The following LRBA variants were observed in gnomAD, a reference collection of about 807,000 sequenced individuals.
LRBA encodes LPS responsive beige-like anchor protein, also known as lipopolysaccharide-responsive and beige-like anchor protein.
A neutral mutation model predicts 330.0 loss-of-function variants in LRBA; 176 were observed. The observed-to-expected ratio is 0.53, with a 90% CI of 0.47 to 0.60. The LOEUF (loss-of-function observed/expected upper bound fraction) is 0.60. LRBA is among the 20% of genes least tolerant of loss of function. The pLI is 0.00. For synonymous variants in LRBA, 1,230 were observed against 1,193.0 expected, an observed-to-expected ratio of 1.03 and a Z score of -0.64; for missense variants, 3,259 against 3,444.8, an observed-to-expected ratio of 0.95 and a Z score of 1.35.
intron 40 of LRBA, among the ~76,000 whole-genome samples, chr4:150,575,581 T>C (rs541682110): frequency 2.0e-5 from 3 of 151,854 alleles, no homozygotes; most frequent in East Asian, 1.9e-4. Flanking sequence ...ATTTTAAACA[T>C]AGACCCACAA....
intron 37 of LRBA, among the ~76,000 whole-genome samples, chr4:150,674,191 T>C (rs992878884): frequency 6.8e-6 from 1 of 148,044 alleles, no homozygotes; most frequent in Non-Finnish European, 1.5e-5. Flanking sequence ...GTTTTGGGGT[T>C]TTTTTTTTGC....
chr4:150,523,164 T>G (rs1281363646), intron 40 of LRBA, among the ~76,000 whole-genome samples: 1 of 152,214 alleles, frequency 6.6e-6, no homozygotes, highest in Non-Finnish European at 1.5e-5. Context: ...GCTATTGTGG[T>G]AGAATAAATG....
chr4:150,630,924 T>C (rs1391728941), intron 37 of LRBA, among the ~76,000 whole-genome samples: 4 of 152,138 alleles, frequency 2.6e-5, no homozygotes, highest in Non-Finnish European at 5.9e-5. Flanking sequence ...ATAAAAACTC[T>C]TAAATTTGTA....
intron 2 of LRBA, among the ~76,000 whole-genome samples, chr4:150,995,983 GA>G (rs1561107657): frequency 6.6e-6 from 1 of 151,374 alleles, no homozygotes; most frequent in Non-Finnish European, 1.5e-5. Flanking sequence ...CAGTGCCAAG[GA>G]AGACATCTGG....
intron 35 of LRBA, among the ~76,000 whole-genome samples, chr4:150,754,724 G>A (rs1300683090): frequency 6.6e-6 from 1 of 152,012 alleles, no homozygotes; most frequent in East Asian, 1.9e-4. Context: ...GAGCCTGAGC[G>A]ACAAGGCAAG....
At chr4:150,574,085 A>G (rs1286234810) in intron 40 of LRBA, among the ~76,000 whole-genome samples, 1 of 152,130 alleles carries the variant, frequency 6.6e-6, no homozygotes, top group Non-Finnish European at 1.5e-5. Flanking sequence ...AAAAAAACAT[A>G]TTGTTTATAT....
chr4:150,538,490 C>G (rs1057416577), intron 40 of LRBA, among the ~76,000 whole-genome samples: 1 of 152,122 alleles, frequency 6.6e-6, no homozygotes, highest in Non-Finnish European at 1.5e-5. Context: ...TTTGCAGCAA[C>G]GTGCATGCAG....
At chr4:150,438,145 C>A (rs543004902) in intron 44 of LRBA, among the ~76,000 whole-genome samples, 2 of 152,112 alleles carry the variant, frequency 1.3e-5, no homozygotes, top group Non-Finnish European at 2.9e-5. Context: ...ATGTTAAGTA[C>A]CCACTCACTG....
At chr4:150,385,209 T>C (rs1024323833) in intron 47 of LRBA, among the ~76,000 whole-genome samples, 2 of 152,162 alleles carry the variant, frequency 1.3e-5, no homozygotes, top group Admixed American at 6.5e-5. Flanking sequence ...ATTTTACTTT[T>C]TTCCCACATC....
intron 28 of LRBA, among the ~76,000 whole-genome samples, chr4:150,837,554 C>A (rs1472280069): frequency 5.3e-5 from 8 of 150,994 alleles, no homozygotes; most frequent in Admixed American, 1.3e-4. Flanking sequence ...ATGTAATGGC[C>A]TTGTCTCTTT....
intron 47 of LRBA, among the ~76,000 whole-genome samples, chr4:150,350,588 A>G (rs1367872255): frequency 2.0e-5 from 3 of 151,666 alleles, no homozygotes; most frequent in Admixed American, 2.0e-4. Flanking sequence ...AAAAGAAAGA[A>G]ACTTATCTGA....
At chr4:150,429,303 A>G (rs1750056456) in intron 46 of LRBA, among the ~76,000 whole-genome samples, 1 of 152,058 alleles carries the variant, frequency 6.6e-6, no homozygotes, top group African/African-American at 2.4e-5. Flanking sequence ...CTCAGGTGAA[A>G]GGAAAAGGAA....
intron 2 of LRBA, among the ~76,000 whole-genome samples, chr4:150,974,059 G>C (rs72963629): frequency 0.054 from 8,239 of 152,190 alleles, 694 homozygotes; most frequent in African/African-American, 0.18. Context: ...GGCTATAAAA[G>C]GGTAATGGAC....
chr4:150,302,567 C>A, intron 53 of LRBA, 58 bp downstream of exon 53: 3 of 1,243,330 alleles, frequency 2.4e-6, no homozygotes, highest in Admixed American at 2.3e-5. Context: ...AACTTTACTG[C>A]AAAATGTTAT....
intron 53 of LRBA, among the ~76,000 whole-genome samples, chr4:150,295,194 C>CTTTTTTTTT (rs146893381): frequency 8.8e-6 from 1 of 113,832 alleles, no homozygotes; most frequent in African/African-American, 3.5e-5. Context: ...ATTAAAATAG[C>CTTTTTTTTT]TTTTTTTTTT....
chr4:150,610,702 G>A (rs1775167001), intron 37 of LRBA, among the ~76,000 whole-genome samples: 3 of 152,184 alleles, frequency 2.0e-5, no homozygotes, highest in Non-Finnish European at 2.9e-5. Flanking sequence ...TAAGGAAAAT[G>A]AGTAGGCTAG....
chr4:150,508,037 A>G (rs974219784), intron 40 of LRBA, among the ~76,000 whole-genome samples: 3 of 128,416 alleles, frequency 2.3e-5, no homozygotes, highest in Admixed American at 9.2e-5. Context: ...ATAAGAACAC[A>G]TGGACACAGG....
At chr4:150,713,785 T>G (rs1367039025) in intron 36 of LRBA, among the ~76,000 whole-genome samples, 1 of 152,126 alleles carries the variant, frequency 6.6e-6, no homozygotes, top group Non-Finnish European at 1.5e-5. Flanking sequence ...TTAAAGGGAT[T>G]TACAATGCTA....
At chr4:150,880,435 G>A (rs552550095) in intron 17 of LRBA, among the ~76,000 whole-genome samples, 6 of 151,544 alleles carry the variant, frequency 4.0e-5, no homozygotes, top group East Asian at 1.9e-4. Context: ...TGGGAAGATC[G>A]CTTCAGATGC....
Sources: gnomAD v4.1 joint callset for allele counts (sites outside exome capture counted in the v4.1 genomes callset) on GRCh38, gnomAD v4.1.1 for gene constraint, MANE v1.5 for transcripts, NCBI Gene and HGNC (gene_info 2026-07-23, HGNC 2026-07-21) for gene names.